The following PEX5L variants were observed in gnomAD, a reference collection of about 807,000 sequenced individuals.
The protein encoded by PEX5L is PEX5-related protein.
A neutral mutation model predicts 84.0 loss-of-function variants in PEX5L; 30 were observed. The ratio of observed to expected loss-of-function variants is 0.36; its 90% CI spans 0.27 to 0.48. PEX5L has a LOEUF of 0.48. Among genes scored for constraint, PEX5L ranks in the 20% least tolerant of loss-of-function variants. The pLI is 0.99. For missense variants in PEX5L, 533 were observed against 754.6 expected (o/e 0.71, Z 3.44); for synonymous variants, 270 against 283.1 (o/e 0.95, Z 0.46).
chr3:179,897,244 C>T (rs772660098), intron 3 of PEX5L, among the ~76,000 whole-genome samples: 17 of 151,766 alleles, frequency 1.1e-4, no homozygotes, highest in Non-Finnish European at 2.1e-4. Flanking sequence ...TTCATATAAT[C>T]GGAACTGAAT....
At chr3:179,884,829 T>C (rs1051790429) in intron 4 of PEX5L, among the ~76,000 whole-genome samples, 5 of 152,224 alleles carry the variant, frequency 3.3e-5, no homozygotes, top group East Asian at 1.9e-4. Context: ...CAAAAACTTT[T>C]GTTCTTCAGA....
intron 2 of PEX5L, among the ~76,000 whole-genome samples, chr3:179,923,055 C>T (rs964233663): frequency 9.2e-5 from 14 of 151,582 alleles, no homozygotes; most frequent in African/African-American, 2.2e-4. Context: ...TTTGGGAGGC[C>T]GAGGCGGGCG....
intron 7 of PEX5L, among the ~76,000 whole-genome samples, chr3:179,868,908 C>G (rs1180655815): frequency 6.6e-6 from 1 of 151,256 alleles, no homozygotes; most frequent in African/African-American, 2.4e-5. Flanking sequence ...GTTCCGAGGG[C>G]TCCTGTGTAT....
rs112829737 is a variant in PEX5L at position 179,858,088 on chromosome 3, G to A, written c.822+974C>T. Among the ~76,000 whole-genome samples the A allele has an allele frequency of 1.6e-3, 246 of 152,058 alleles. 2 individuals carry two copies. Among genetic ancestry groups the A allele is most frequent in the African/African-American group, 5.7e-3 (236 of 41,468 alleles). ...TAAACTGCAAATATAATTTTATTGCGCTTCAGGTATAGAGGTACTGAAAGA... is the reference window on the plus strand; with the variant it reads ...TAAACTGCAAATATAATTTTATTGCACTTCAGGTATAGAGGTACTGAAAGA... On this transcript the variant is annotated intron_variant, in intron 8 of 14. Transcript: ENST00000467460.
At chr3:179,915,524 T>C (rs753341266) in intron 2 of PEX5L, among the ~76,000 whole-genome samples, 10 of 152,358 alleles carry the variant, frequency 6.6e-5, no homozygotes, top group Non-Finnish European at 1.2e-4. Context: ...CACTCAATTT[T>C]GAAGATTACT....
At chr3:179,999,908 C>T (rs530233806) in intron 1 of PEX5L, among the ~76,000 whole-genome samples, 7 of 152,218 alleles carry the variant, frequency 4.6e-5, no homozygotes, top group East Asian at 1.9e-4. Flanking sequence ...ACAATTACAA[C>T]GCCAACTAGG....
intron 4 of PEX5L, among the ~76,000 whole-genome samples, chr3:179,883,443 C>T (rs1578017039): frequency 1.3e-5 from 2 of 152,240 alleles, no homozygotes; most frequent in South Asian, 2.1e-4. Flanking sequence ...CCTGATGTTC[C>T]GTGAATATTG....
chr3:180,005,659 G>A (rs1032079821), intron 1 of PEX5L, among the ~76,000 whole-genome samples: 1 of 152,050 alleles, frequency 6.6e-6, no homozygotes, highest in Non-Finnish European at 1.5e-5. Flanking sequence ...AACACGGGAG[G>A]TGGAGCTTGC....
intron 2 of PEX5L, among the ~76,000 whole-genome samples, chr3:179,928,530 G>A (rs1429700670): frequency 1.3e-5 from 2 of 152,140 alleles, no homozygotes; most frequent in Non-Finnish European, 2.9e-5. Context: ...TACAACAAAT[G>A]GTGGGTAGGC....
chr3:179,869,322 T>C (rs1388692177), intron 7 of PEX5L, among the ~76,000 whole-genome samples: 1 of 152,194 alleles, frequency 6.6e-6, no homozygotes, highest in Non-Finnish European at 1.5e-5. Flanking sequence ...GAAGGGTAAT[T>C]TTATGTTACT....
At chr3:179,820,611 G>A (rs1251788087) in intron 8 of PEX5L, 1 of 152,136 alleles carries the variant, frequency 6.6e-6, no homozygotes, top group Non-Finnish European at 1.5e-5. Flanking sequence ...GGACTTTTAT[G>A]TGGCAGGATT....
At chr3:179,910,859 T>C (rs994133698) in intron 2 of PEX5L, among the ~76,000 whole-genome samples, 1 of 152,248 alleles carries the variant, frequency 6.6e-6, no homozygotes. Context: ...TCTGTCAAAC[T>C]TTCTGGTTAT....
chr3:179,875,008 T>C (rs993383754), intron 6 of PEX5L, among the ~76,000 whole-genome samples: 10 of 151,916 alleles, frequency 6.6e-5, no homozygotes, highest in Non-Finnish European at 1.3e-4. Flanking sequence ...AAAAGGTACC[T>C]GTATAGCTGC....
intron 2 of PEX5L, among the ~76,000 whole-genome samples, chr3:179,923,784 T>C (rs560419664): frequency 1.3e-5 from 2 of 152,322 alleles, no homozygotes; most frequent in East Asian, 3.9e-4. Context: ...ACATAAGAAC[T>C]AGATGAAGCA....
intron 4 of PEX5L, among the ~76,000 whole-genome samples, chr3:179,882,380 G>A (rs148747314): frequency 1.3e-5 from 2 of 152,320 alleles, no homozygotes; most frequent in African/African-American, 2.4e-5. Context: ...CCCCTCCAAA[G>A]TGTCCTGGGC....
intron 7 of PEX5L, among the ~76,000 whole-genome samples, chr3:179,872,482 G>A (rs1019014066): frequency 1.3e-5 from 2 of 152,174 alleles, no homozygotes; most frequent in Non-Finnish European, 2.9e-5. Flanking sequence ...AAACTCTCAG[G>A]TGCATTTTAA....
intron 8 of PEX5L, among the ~76,000 whole-genome samples, chr3:179,838,772 C>A (rs1735947956): frequency 6.6e-6 from 1 of 152,076 alleles, no homozygotes. Context: ...AAAGATATTT[C>A]TCAAATTAAG....
rs114676164 is a variant in PEX5L at position 179,922,402 on chromosome 3, C to T, written c.94-24156G>A. On this transcript the variant is annotated intron_variant, in intron 2 of 14. Transcript: ENST00000467460. ...AAATGTGCCAGGAAGATAGCTTTCT[C>T]CTGATTGTCCAGTGCTGTTTTTAGA... Among the ~76,000 whole-genome samples, 1,499 of 151,968 alleles carry T rather than the reference C, an allele frequency of 9.9e-3. 23 individuals are homozygous for T. Among genetic ancestry groups the T allele is most frequent in the African/African-American group, 0.035 (1,433 of 41,444 alleles).
intron 8 of PEX5L, among the ~76,000 whole-genome samples, chr3:179,846,028 G>A (rs1031494277): frequency 6.6e-6 from 1 of 152,068 alleles, no homozygotes; most frequent in Non-Finnish European, 1.5e-5. Flanking sequence ...AAATTAGCCG[G>A]CCATGGTGGT....
Sources: allele counts gnomAD v4.1 joint callset (sites outside exome capture counted in the v4.1 genomes callset), GRCh38; gene constraint gnomAD v4.1.1; transcripts MANE v1.5; gene names NCBI Gene and HGNC (gene_info 2026-07-23, HGNC 2026-07-21).